Variants in FGD3 observed in about 807,000 individuals in gnomAD.
FGD3 encodes the protein FYVE, RhoGEF and PH domain-containing protein 3.
In FGD3, 45 loss-of-function variants were observed where a neutral mutation model predicts 71.8. The ratio of observed to expected loss-of-function variants is 0.63; its 90% confidence interval spans 0.49 to 0.80. The LOEUF is 0.80. FGD3 is among the 30% of genes least tolerant of loss of function. The pLI is 0.00. For synonymous variants in FGD3, 378 were observed against 392.8 expected (o/e 0.96, Z 0.44); for missense variants, 844 against 951.5 (o/e 0.89, Z 1.49).
intron 3 of FGD3, among the ~76,000 whole-genome samples, chr9:92,977,440 C>T (rs554879483): frequency 4.0e-4 from 61 of 152,084 alleles, no homozygotes; most frequent in Non-Finnish European, 7.4e-4. Context: ...GTCCTGGGAG[C>T]GCTTTGCGGG....
At chr9:93,008,333 C>A (rs545638007) in intron 6 of FGD3, among the ~76,000 whole-genome samples, 2 of 152,324 alleles carry the variant, frequency 1.3e-5, no homozygotes, top group South Asian at 4.1e-4. Context: ...TCAGATGTCA[C>A]CGATTGTCCC....
Position 92,954,170 on chromosome 9 carries a change from T to C in FGD3, c.-218+6441T>C, listed in dbSNP as rs553435845. 6.8e-4 allele frequency among the ~76,000 whole-genome samples: 103 copies of C among 152,238 alleles called. 1 individual carries two copies. The highest frequency in any genetic ancestry group is 2.0e-3 in the African/African-American group (83 of 41,550). ...TCTCTGCCAGGAGCTTTCATTTCCTTGGGTCTTGTCTATTGTTAGGTCACA... is the reference window on the plus strand; with the variant it reads ...TCTCTGCCAGGAGCTTTCATTTCCTCGGGTCTTGTCTATTGTTAGGTCACA... On this transcript the variant is annotated intron_variant, in intron 1 of 17. Coordinates refer to ENST00000375482, the MANE Select transcript of FGD3 (RefSeq NM_001083536.2).
At chr9:92,964,698 G>A (rs926041293) in intron 1 of FGD3, among the ~76,000 whole-genome samples, 1 of 152,182 alleles carries the variant, frequency 6.6e-6, no homozygotes, top group African/African-American at 2.4e-5. Flanking sequence ...TGTCCCCATC[G>A]AAGGCTGGCA....
chr9:93,021,580 C>T (rs1861921523), intron 13 of FGD3, among the ~76,000 whole-genome samples: 1 of 152,088 alleles, frequency 6.6e-6, no homozygotes, highest in Admixed American at 6.5e-5. Flanking sequence ...TATGCCAGGC[C>T]CTCTGCTCCA....
At chr9:93,011,141 G>T in intron 7 of FGD3, 73 bp from the exon 8 acceptor site, 1 of 1,458,184 alleles carries the variant, frequency 6.9e-7, no homozygotes, top group African/African-American at 1.4e-5. Flanking sequence ...GGAGGCAGCT[G>T]CCCTGGAGCC....
chr9:93,034,474 G>C (rs1204288572), intron 16 of FGD3, 67 bp from the exon 17 acceptor site: 1 of 1,510,012 alleles, frequency 6.6e-7, no homozygotes, highest in Non-Finnish European at 8.9e-7. Flanking sequence ...CCCTACCCCA[G>C]CCTCCTCAGA....
chr9:93,024,586 G>A (rs368242260), intron 14 of FGD3, among the ~76,000 whole-genome samples: 6 of 152,264 alleles, frequency 3.9e-5, no homozygotes, highest in African/African-American at 9.6e-5. Context: ...TTGTGAATGC[G>A]TCTGTCCTTG....
intron 1 of FGD3, among the ~76,000 whole-genome samples, chr9:92,956,631 G>C (rs1859055427): frequency 6.6e-6 from 1 of 152,110 alleles, no homozygotes. Context: ...CAGCCTCCTG[G>C]AATGTGAGAA....
intron 14 of FGD3, among the ~76,000 whole-genome samples, chr9:93,026,824 C>A (rs1862131677): frequency 6.6e-6 from 1 of 152,272 alleles, no homozygotes; most frequent in Non-Finnish European, 1.5e-5. Flanking sequence ...TTGTTCTCAG[C>A]TACCATGCAG....
chr9:92,950,693 C>G (rs1858938014), intron 1 of FGD3, among the ~76,000 whole-genome samples: 1 of 152,222 alleles, frequency 6.6e-6, no homozygotes, highest in Non-Finnish European at 1.5e-5. Flanking sequence ...TCCCTTCTGA[C>G]CCCTGGTAGG....
chr9:93,025,223 G>A (rs1862074565), intron 14 of FGD3, among the ~76,000 whole-genome samples: 1 of 152,184 alleles, frequency 6.6e-6, no homozygotes, highest in African/African-American at 2.4e-5. Context: ...GGGGAGCCAG[G>A]TACTCAGGGT....
chr9:92,978,096 A>G (rs1331701781), intron 3 of FGD3, among the ~76,000 whole-genome samples: 1 of 152,118 alleles, frequency 6.6e-6, no homozygotes, highest in African/African-American at 2.4e-5. Context: ...CAGCCTGACC[A>G]ACACGGAGAA....
At chr9:92,977,572 G>C (rs765034342) in intron 3 of FGD3, among the ~76,000 whole-genome samples, 1 of 152,130 alleles carries the variant, frequency 6.6e-6, no homozygotes, top group Non-Finnish European at 1.5e-5. Flanking sequence ...TGGCGGAGAC[G>C]AGGCCAGGGC....
chr9:93,013,421 C>T (rs1861521219), intron 8 of FGD3, among the ~76,000 whole-genome samples: 1 of 152,202 alleles, frequency 6.6e-6, no homozygotes, highest in South Asian at 2.1e-4. Context: ...CTTCTGGGTG[C>T]TGGTTACCCA....
At chr9:92,987,275 AC>A (rs1227029691) in intron 3 of FGD3, among the ~76,000 whole-genome samples, 11 of 152,050 alleles carry the variant, frequency 7.2e-5, no homozygotes, top group Admixed American at 2.0e-4. Context: ...TACTAAAAAT[AC>A]AAAAAAATAG....
intron 3 of FGD3, among the ~76,000 whole-genome samples, chr9:92,979,044 C>A (rs1269580884): frequency 6.6e-6 from 1 of 151,730 alleles, no homozygotes; most frequent in Non-Finnish European, 1.5e-5. Context: ...AAAATCATGT[C>A]ATCTGTGAAC....
At chr9:93,021,073 G>C (rs567338924) in intron 13 of FGD3, among the ~76,000 whole-genome samples, 1 of 152,348 alleles carries the variant, frequency 6.6e-6, no homozygotes, top group African/African-American at 2.4e-5. Flanking sequence ...CCCAGGCCAT[G>C]GGTGGTGGAA....
At chr9:92,993,912 G>A (rs1402209260) in intron 3 of FGD3, among the ~76,000 whole-genome samples, 3 of 152,160 alleles carry the variant, frequency 2.0e-5, no homozygotes, top group African/African-American at 7.2e-5. Context: ...TGTGAATAGT[G>A]CTGCAATAAA....
intron 2 of FGD3, 130 bp from the exon 3 acceptor site, chr9:92,976,078 C>T: frequency 1.7e-6 from 1 of 586,356 alleles, no homozygotes; most frequent in Non-Finnish European, 3.0e-6. Flanking sequence ...CACACAACCC[C>T]CAGCCCACCT....
Sources: gnomAD v4.1 joint callset for allele counts (sites outside exome capture counted in the v4.1 genomes callset) on GRCh38, gnomAD v4.1.1 for gene constraint, MANE v1.5 for transcripts, NCBI Gene and HGNC (gene_info 2026-07-23, HGNC 2026-07-21) for gene names.